The following MFAP5 variants were observed in gnomAD, a reference collection of about 807,000 sequenced individuals.
MFAP5 encodes the protein microfibril associated protein 5.
In MFAP5, 19 loss-of-function variants were observed where a neutral mutation model predicts 30.1. The observed-to-expected ratio is 0.63, with a 90% confidence interval of 0.44 to 0.93. The LOEUF is 0.93. Among genes scored for constraint, MFAP5 ranks in the 40% least tolerant of loss-of-function variants. The pLI is 0.00. For missense variants in MFAP5, 210 were observed against 221.3 expected (o/e 0.95, Z 0.32); for synonymous variants, 92 against 72.9 (o/e 1.26, Z -1.33).
At chr12:8,660,991 G>A (rs1046292308) in intron 2 of MFAP5, 93 bp from the exon 3 acceptor site, 2 of 1,084,042 alleles carry the variant, frequency 1.8e-6, no homozygotes, top group Non-Finnish European at 2.8e-6. Context: ...ATGGAGAAAT[G>A]GTTATACTTT....
chr12:8,650,205 C>T (rs865816983), intron 8 of MFAP5, among the ~76,000 whole-genome samples: 7 of 152,156 alleles, frequency 4.6e-5, no homozygotes, highest in Middle Eastern at 3.2e-3. Context: ...GGGCCATTCT[C>T]TTCAGTCTCC....
rs776146106 is a variant in MFAP5, at chr12:8,647,739, A to G, written c.*352T>C. On this transcript the variant is annotated 3_prime_UTR_variant, in exon 10 of 10. Transcript: ENST00000359478. ...GATAGCTTCTTCAACCCTAAGATCT[A>G]TATCAGACAGATTCAATAGTAAAGA... 1.9e-5 allele frequency: 3 copies of G among 158,240 alleles called. No individual in the cohort carries two copies. Among genetic ancestry groups the G allele is most frequent in the South Asian group, 3.8e-4 (2 of 5,246 alleles). 9.8% of individuals were successfully genotyped at this position (158,240 alleles called of 1,614,324 possible).
At chr12:8,651,848 G>C (rs1485379466) in intron 6 of MFAP5, 157 bp from the exon 7 acceptor site, 2 of 658,948 alleles carry the variant, frequency 3.0e-6, no homozygotes, top group Non-Finnish European at 5.3e-6. Flanking sequence ...AACCCTTATT[G>C]AGCTGATTTG....
intron 9 of MFAP5, 156 bp from the exon 10 acceptor site, chr12:8,648,359 T>C (rs1252655717): frequency 2.2e-6 from 2 of 909,132 alleles, no homozygotes; most frequent in Non-Finnish European, 3.2e-6. Context: ...CTTTAGTTAT[T>C]TGCCACTTCC....
intron 3 of MFAP5, among the ~76,000 whole-genome samples, chr12:8,657,426 T>G (rs1287992813): frequency 6.6e-6 from 1 of 151,716 alleles, no homozygotes; most frequent in Non-Finnish European, 1.5e-5. Context: ...TCTCAAAAAA[T>G]AAGAATAAAA....
At chr12:8,654,836 G>A (rs1941939084) in intron 5 of MFAP5, among the ~76,000 whole-genome samples, 1 of 151,826 alleles carries the variant, frequency 6.6e-6, no homozygotes, top group Non-Finnish European at 1.5e-5. Context: ...AGCTACTCAG[G>A]AGGCTGAGGC....
intron 3 of MFAP5, among the ~76,000 whole-genome samples, chr12:8,659,151 A>G (rs1942080778): frequency 6.6e-6 from 1 of 152,026 alleles, no homozygotes; most frequent in Non-Finnish European, 1.5e-5. Context: ...TCTACTAAAT[A>G]CAAAAAATTA....
Position 8,655,936 on chromosome 12 carries a change from A to C in MFAP5, c.95-106T>G, listed in dbSNP as rs891521555. 6 of 914,650 alleles carry C rather than the reference A, an allele frequency of 6.6e-6. No individual in the cohort carries two copies. The African/African-American group carries it at 8.3e-5, about 13-fold the overall frequency. 56.7% of individuals were successfully genotyped at this position (914,650 alleles called of 1,614,324 possible). ...AGCATAGTGCCCAGCGGAGTTGAGT[A>C]TCCCACAAATGTTTTTCCTTGACTG... On this transcript the variant is annotated intron_variant, in intron 3 of 9. Coordinates refer to ENST00000359478, the MANE Select transcript of MFAP5 (RefSeq NM_003480.4).
At chr12:8,650,699 T>C (rs1941814187) in intron 7 of MFAP5, 110 bp from the exon 8 acceptor site, 1 of 875,942 alleles carries the variant, frequency 1.1e-6, no homozygotes, top group South Asian at 1.5e-5. Context: ...TACAGAGTAA[T>C]CTCTACAGAG....
At chr12:8,651,758 C>G in intron 6 of MFAP5, 67 bp from the exon 7 acceptor site, 1 of 1,450,510 alleles carries the variant, frequency 6.9e-7, no homozygotes, top group Non-Finnish European at 9.7e-7. Flanking sequence ...AACTGCCACA[C>G]TGCCTCACTT....
chr12:8,653,160 C>G (rs1941885698), intron 6 of MFAP5, among the ~76,000 whole-genome samples: 1 of 150,650 alleles, frequency 6.6e-6, no homozygotes, highest in African/African-American at 2.4e-5. Context: ...CTATTGCACT[C>G]CAGCCTGGGC....
chr12:8,650,474 GC>G, intron 8 of MFAP5, 27 bp downstream of exon 8: 1 of 1,597,228 alleles, frequency 6.3e-7, no homozygotes, highest in Non-Finnish European at 8.6e-7. Context: ...CATGGAAGAT[GC>G]TTTTTGGGCA....
intron 6 of MFAP5, among the ~76,000 whole-genome samples, chr12:8,653,151 T>C (rs938102156): frequency 5.4e-5 from 8 of 148,556 alleles, no homozygotes; most frequent in Non-Finnish European, 1.0e-4. Context: ...AAGATCGCGC[T>C]ATTGCACTCC....
intron 5 of MFAP5, 30 bp from the exon 6 acceptor site, chr12:8,654,511 G>A: frequency 6.3e-7 from 1 of 1,588,258 alleles, no homozygotes; most frequent in Non-Finnish European, 8.6e-7. Flanking sequence ...CAGGTATGAG[G>A]AGGGCTTCAA....
At chr12:8,649,826 G>T (rs953894959) in intron 8 of MFAP5, among the ~76,000 whole-genome samples, 3 of 152,062 alleles carry the variant, frequency 2.0e-5, no homozygotes, top group Middle Eastern at 3.2e-3. Context: ...GGTGGTTTTT[G>T]GTTACATGGA....
intron 8 of MFAP5, among the ~76,000 whole-genome samples, chr12:8,649,877 G>A (rs767650746): frequency 2.0e-5 from 3 of 152,078 alleles, no homozygotes; most frequent in Admixed American, 2.0e-4. Context: ...GGGTGCACCC[G>A]TCACCCAAGC....
chr12:8,651,781 G>T, intron 6 of MFAP5, 90 bp from the exon 7 acceptor site: 1 of 1,190,940 alleles, frequency 8.4e-7, no homozygotes, highest in Non-Finnish European at 1.3e-6. Context: ...GACCTGCTTG[G>T]AGTGCCCATA....
rs1942123277 is a variant in MFAP5, at chr12:8,660,725, C to A, written c.94+138G>T. The stretch of plus-strand genomic sequence containing the variant: ...TCCTATTTCTCACACTTTGGCAATG[C>A]ATCTCTTTGTTGTAGGAAATATTCT... On this transcript the variant is annotated intron_variant, in intron 3 of 9. Coordinates refer to ENST00000359478, the MANE Select transcript of MFAP5 (RefSeq NM_003480.4). The A allele has an allele frequency of 5.7e-6, 4 of 702,296 alleles. No homozygotes were observed. In the South Asian group the frequency reaches 8.5e-5, roughly 15 times the overall value. 43.5% of individuals were successfully genotyped at this position (702,296 alleles called of 1,614,324 possible).
chr12:8,660,817 T>G (rs1942126266), intron 3 of MFAP5, 46 bp downstream of exon 3: 1 of 1,547,994 alleles, frequency 6.5e-7, no homozygotes, highest in East Asian at 2.2e-5. Flanking sequence ...ATCTAAATTT[T>G]CCTGATAAGA....
Sources: allele counts gnomAD v4.1 joint callset (sites outside exome capture counted in the v4.1 genomes callset), GRCh38; gene constraint gnomAD v4.1.1; transcripts MANE v1.5; gene names NCBI Gene and HGNC (gene_info 2026-07-23, HGNC 2026-07-21).